CACHD1: variants seen among roughly 807,000 people sequenced by gnomAD.
The protein encoded by CACHD1 is cache domain containing 1, also known as VWFA and cache domain-containing protein 1.
CACHD1 carries 71 observed loss-of-function variants against 138.7 expected under a neutral mutation model. The observed-to-expected ratio is 0.51, with a 90% CI of 0.42 to 0.62. The LOEUF is 0.62. CACHD1 is among the 20% of genes least tolerant of loss of function. CACHD1 has a pLI of 0.00. For missense variants in CACHD1, 1,389 were observed against 1,625.3 expected, an observed-to-expected ratio of 0.85 and a Z score of 2.50; for synonymous variants, 578 against 591.5, an observed-to-expected ratio of 0.98 and a Z score of 0.33.
At chr1:64,476,102 G>C (rs1646173524) in intron 1 of CACHD1, among the ~76,000 whole-genome samples, 1 of 94,632 alleles carries the variant, frequency 1.1e-5, no homozygotes, top group Non-Finnish European at 2.8e-5. Context: ...CAGTCCTGAA[G>C]GAAGCAGCAG....
At chr1:64,479,959 A>G (rs1050381688) in intron 1 of CACHD1, among the ~76,000 whole-genome samples, 1 of 152,208 alleles carries the variant, frequency 6.6e-6, no homozygotes, top group African/African-American at 2.4e-5. Context: ...CTTCAGACTC[A>G]GACACTTCAG....
chr1:64,605,563 G>A (rs1004547683), intron 4 of CACHD1, among the ~76,000 whole-genome samples: 10 of 152,114 alleles, frequency 6.6e-5, no homozygotes, highest in African/African-American at 2.4e-4. Context: ...CCTAAGTCTG[G>A]TGTTGAGATT....
At chr1:64,575,285 C>G (rs1161986399) in intron 2 of CACHD1, among the ~76,000 whole-genome samples, 1 of 152,166 alleles carries the variant, frequency 6.6e-6, no homozygotes, top group Non-Finnish European at 1.5e-5. Flanking sequence ...AGCTCTATGT[C>G]TGTCTGAACC....
chr1:64,681,735 A>G (rs1292047231), intron 25 of CACHD1, among the ~76,000 whole-genome samples: 1 of 152,024 alleles, frequency 6.6e-6, no homozygotes, highest in Non-Finnish European at 1.5e-5. Flanking sequence ...CTTTATCAAA[A>G]GAGATTTCCA....
At chr1:64,570,866 G>C (rs71645595) in intron 2 of CACHD1, among the ~76,000 whole-genome samples, 3 of 151,692 alleles carry the variant, frequency 2.0e-5, no homozygotes, top group African/African-American at 7.3e-5. Context: ...GTTGTGGGGG[G>C]CGGGCGGGGG....
At chr1:64,681,922 A>G in intron 25 of CACHD1, 83 bp from the exon 26 acceptor site, 4 of 1,165,474 alleles carry the variant, frequency 3.4e-6, no homozygotes, top group Non-Finnish European at 5.1e-6. Flanking sequence ...CAGCATGTAA[A>G]TGAGCCCTCT....
intron 2 of CACHD1, among the ~76,000 whole-genome samples, chr1:64,557,183 A>G (rs1646805200): frequency 6.6e-6 from 1 of 152,084 alleles, no homozygotes; most frequent in South Asian, 2.1e-4. Flanking sequence ...TTGAACTTGA[A>G]TCAAGAAAAA....
chr1:64,499,332 G>A (rs1215380957), intron 1 of CACHD1, among the ~76,000 whole-genome samples: 1 of 152,114 alleles, frequency 6.6e-6, no homozygotes, highest in East Asian at 1.9e-4. Flanking sequence ...CGCTTCCTTA[G>A]TTCACTGCAT....
chr1:64,578,601 G>A (rs1451327261), intron 2 of CACHD1, among the ~76,000 whole-genome samples: 1 of 152,164 alleles, frequency 6.6e-6, no homozygotes, highest in Admixed American at 6.5e-5. Flanking sequence ...GCTTCATGAT[G>A]TCCATGGCTT....
chr1:64,552,898 C>T lies in CACHD1; in HGVS notation c.261+2242C>T, dbSNP rs984747393. Among the ~76,000 whole-genome samples, 19 of 152,310 alleles carry T rather than the reference C, an allele frequency of 1.2e-4. No individual in the cohort carries two copies. In the East Asian group the frequency reaches 3.5e-3, roughly 28 times the overall value. ...ATTCAAGTGCAAGGGAATTATCGTA[C>T]AATCTATTCTGTGTGTCTTATTACT... is the stretch of plus-strand genomic sequence containing the variant. On this transcript the variant is annotated intron_variant, in intron 2 of 26. Transcript: ENST00000651257.
chr1:64,549,108 C>T (rs1318681770), intron 1 of CACHD1, among the ~76,000 whole-genome samples: 2 of 152,170 alleles, frequency 1.3e-5, no homozygotes, highest in Non-Finnish European at 2.9e-5. Flanking sequence ...AAAATATACA[C>T]ATGAGGCACA....
chr1:64,510,535 G>A (rs1300677689), intron 1 of CACHD1, among the ~76,000 whole-genome samples: 2 of 152,156 alleles, frequency 1.3e-5, no homozygotes, highest in African/African-American at 4.8e-5. Flanking sequence ...CTTTCAGCAA[G>A]GTTGTTTAGG....
At chr1:64,593,326 T>C (rs1647122937) in intron 3 of CACHD1, among the ~76,000 whole-genome samples, 1 of 152,212 alleles carries the variant, frequency 6.6e-6, no homozygotes, top group Non-Finnish European at 1.5e-5. Flanking sequence ...GACCCATAAG[T>C]TGGCAACTCC....
At chr1:64,677,121 T>C (rs1279294009) in intron 22 of CACHD1, 110 bp downstream of exon 22, 3 of 838,946 alleles carry the variant, frequency 3.6e-6, no homozygotes, top group African/African-American at 1.7e-5. Context: ...CTGATTTCCA[T>C]AAGCCTTTAC....
chr1:64,625,416 CG>C (rs1462192702), intron 4 of CACHD1, among the ~76,000 whole-genome samples: 1 of 152,022 alleles, frequency 6.6e-6, no homozygotes, highest in African/African-American at 2.4e-5. Context: ...CACTTGAAGT[CG>C]GGAGTTCAAG....
intron 4 of CACHD1, among the ~76,000 whole-genome samples, chr1:64,624,862 G>A (rs929690606): frequency 6.6e-6 from 1 of 152,218 alleles, no homozygotes; most frequent in East Asian, 1.9e-4. Context: ...TAAGGCTTTG[G>A]AAATGCTTTA....
chr1:64,478,632 CAG>C (rs1014228745), intron 1 of CACHD1, among the ~76,000 whole-genome samples: 19 of 152,148 alleles, frequency 1.2e-4, no homozygotes, highest in African/African-American at 4.3e-4. Flanking sequence ...CTGTCCTATC[CAG>C]AGAGGCTAAA....
At chr1:64,682,648 T>C (rs961150628) in intron 26 of CACHD1, among the ~76,000 whole-genome samples, 8 of 152,170 alleles carry the variant, frequency 5.3e-5, no homozygotes, top group Non-Finnish European at 1.0e-4. Flanking sequence ...CATGGAGTTG[T>C]GTAAGTGCCT....
At chr1:64,538,216 A>G (rs1478006651) in intron 1 of CACHD1, among the ~76,000 whole-genome samples, 3 of 152,326 alleles carry the variant, frequency 2.0e-5, no homozygotes, top group South Asian at 4.1e-4. Flanking sequence ...TTTATTCCAT[A>G]AAGGCTCACT....
Sources: gnomAD v4.1 joint callset for allele counts (sites outside exome capture counted in the v4.1 genomes callset) on GRCh38, gnomAD v4.1.1 for gene constraint, MANE v1.5 for transcripts, NCBI Gene and HGNC (gene_info 2026-07-23, HGNC 2026-07-21) for gene names.